SCRG1: variants seen among roughly 807,000 people sequenced by gnomAD.
The protein encoded by SCRG1 is scrapie-responsive protein 1.
In SCRG1, 3 loss-of-function variants were observed where a neutral mutation model predicts 7.7. The ratio of observed to expected loss-of-function variants is 0.39; its 90% CI spans 0.18 to 1.01. The LOEUF (loss-of-function observed/expected upper bound fraction) is 1.01. SCRG1 is among the 50% of genes least tolerant of loss of function. The pLI is 0.36. For synonymous variants in SCRG1, 46 were observed against 41.2 expected, an observed-to-expected ratio of 1.12 and a Z score of -0.44; for missense variants, 110 against 117.2, an observed-to-expected ratio of 0.94 and a Z score of 0.28.
chr4:173,410,922 C>G (rs1238729675), upstream of SCRG1, among the ~76,000 whole-genome samples: 3 of 152,184 alleles, frequency 2.0e-5, no homozygotes, highest in African/African-American at 7.2e-5. Flanking sequence ...GGCACCCACC[C>G]ATATAGTTGT....
At position 173,388,025 on chromosome 4, in the gene SCRG1, AT is replaced by A. The variant is rs1739291199; in HGVS notation, c.*315del. The A allele has an allele frequency of 3.7e-5, 9 of 241,428 alleles. No individual in the cohort carries two copies. The highest frequency in any genetic ancestry group is 1.3e-3 in the Middle Eastern group (1 of 756). The allele number at this position is 241,428 out of a possible 1,614,324, so 15.0% of individuals were successfully genotyped here. On this transcript the variant is annotated 3_prime_UTR_variant, in exon 3 of 3. Coordinates refer to ENST00000296506, the MANE Select transcript of SCRG1 (RefSeq NM_007281.4). Reference sequence around the variant, plus strand: ...TAACTGTCAACTAAGGACTGAAAGTATTTTCAATCCTTGAGCCATGCCTATG... The same window carrying A: ...TAACTGTCAACTAAGGACTGAAAGTATTTCAATCCTTGAGCCATGCCTATG...
At chr4:173,430,082 T>A in the SCRG1 span, among the ~76,000 whole-genome samples, 1 of 152,034 alleles carries the variant, frequency 6.6e-6, no homozygotes, top group Non-Finnish European at 1.5e-5. Context: ...TTTGGGCCCA[T>A]GAAAGGCAGA....
chr4:173,481,575 T>TC, the SCRG1 span, among the ~76,000 whole-genome samples: 51 of 152,034 alleles, frequency 3.4e-4, no homozygotes, highest in African/African-American at 1.2e-3. Flanking sequence ...CTCTCCTGCC[T>TC]CCCCCTCCAC....
chr4:173,449,476 C>A, the SCRG1 span, among the ~76,000 whole-genome samples: 1 of 146,884 alleles, frequency 6.8e-6, no homozygotes. Context: ...TCCTGGTCTC[C>A]CAGGGCATAG....
the SCRG1 span, among the ~76,000 whole-genome samples, chr4:173,516,388 C>T: frequency 1.1e-3 from 165 of 152,350 alleles, no homozygotes; most frequent in African/African-American, 3.8e-3. Flanking sequence ...TAGGCATCTG[C>T]AGGCGGCCGA....
intron 1 of SCRG1, among the ~76,000 whole-genome samples, chr4:173,397,872 C>T (rs1274292044): frequency 6.6e-6 from 1 of 152,108 alleles, no homozygotes; most frequent in African/African-American, 2.4e-5. Context: ...AAAGACAGTC[C>T]ATTTTCGGAT....
chr4:173,417,933 T>C, the SCRG1 span, among the ~76,000 whole-genome samples: 1 of 152,198 alleles, frequency 6.6e-6, no homozygotes, highest in East Asian at 1.9e-4. Context: ...TCAGTGTGGA[T>C]TGCCACATGA....
At chr4:173,467,690 C>T in the SCRG1 span, 6 of 152,240 alleles carry the variant, frequency 3.9e-5, no homozygotes, top group South Asian at 1.2e-3. Context: ...TATCTCTAGG[C>T]TAACTGAATC....
upstream of SCRG1, among the ~76,000 whole-genome samples, chr4:173,410,499 A>G (rs1740014425): frequency 1.3e-5 from 2 of 152,236 alleles, no homozygotes; most frequent in African/African-American, 4.8e-5. Context: ...GACTGGTCAC[A>G]TGGACCACTG....
At chr4:173,445,433 T>G in the SCRG1 span, among the ~76,000 whole-genome samples, 1 of 151,544 alleles carries the variant, frequency 6.6e-6, no homozygotes, top group Admixed American at 6.6e-5. Context: ...TATACAAAAA[T>G]TAGCTGGGTG....
At chr4:173,394,192 GC>G (rs1431988296) in intron 1 of SCRG1, among the ~76,000 whole-genome samples, 1 of 151,860 alleles carries the variant, frequency 6.6e-6, no homozygotes, top group Non-Finnish European at 1.5e-5. Context: ...GTTCTTTGGT[GC>G]TTTTCCCCCC....
chr4:173,421,626 T>G, the SCRG1 span, among the ~76,000 whole-genome samples: 2 of 152,172 alleles, frequency 1.3e-5, no homozygotes, highest in Non-Finnish European at 2.9e-5. Context: ...TTATATATGA[T>G]AAATCATTAC....
chr4:173,468,954 G>C, the SCRG1 span: 15 of 152,264 alleles, frequency 9.9e-5, no homozygotes, highest in African/African-American at 3.6e-4. Context: ...AAAGAGGTAG[G>C]CTTCTGCACA....
chr4:173,505,376 C>T, the SCRG1 span, among the ~76,000 whole-genome samples: 3 of 152,066 alleles, frequency 2.0e-5, no homozygotes, highest in East Asian at 3.9e-4. This position sits in a 1 kb window ranked among gnomAD's most constrained non-coding sequence, Gnocchi z 4.4. Context: ...ATCCCTTGCT[C>T]GGCCATCAGT....
the SCRG1 span, among the ~76,000 whole-genome samples, chr4:173,486,184 G>T: frequency 3.3e-5 from 5 of 152,068 alleles, no homozygotes; most frequent in African/African-American, 1.2e-4. Context: ...CAGTGTTTAG[G>T]CATCTCTTTC....
the SCRG1 span, among the ~76,000 whole-genome samples, chr4:173,458,312 C>T: frequency 6.6e-6 from 1 of 152,064 alleles, no homozygotes; most frequent in Admixed American, 6.5e-5. Context: ...CCTGCACTTG[C>T]TCTACAGAAA....
At chr4:173,428,127 T>C in the SCRG1 span, among the ~76,000 whole-genome samples, 63 of 152,176 alleles carry the variant, frequency 4.1e-4, no homozygotes, top group Non-Finnish European at 5.6e-4. Flanking sequence ...GGTGAATACA[T>C]GTGATAGAAT....
rs949712787 is a variant in SCRG1 at position 173,388,207 on chromosome 4, C to T, written c.*134G>A. The T allele has an allele frequency of 1.9e-5, 10 of 521,236 alleles. No homozygotes were observed. In the African/African-American group the frequency reaches 2.0e-4, roughly 10 times the overall value. 32.3% of individuals were successfully genotyped at this position (521,236 alleles called of 1,614,324 possible). On this transcript the variant is annotated 3_prime_UTR_variant, in exon 3 of 3. Coordinates refer to ENST00000296506, the MANE Select transcript of SCRG1 (RefSeq NM_007281.4). ...TTACTACTTGTTTAACACAGATTTA[C>T]TTGTCTTAGACAAGTAAGAATTTAT...
At chr4:173,435,745 T>A in the SCRG1 span, among the ~76,000 whole-genome samples, 1 of 152,224 alleles carries the variant, frequency 6.6e-6, no homozygotes. Context: ...TGAGGTTTTT[T>A]AAACACTCTT....
Sources: gnomAD v4.1 joint callset for allele counts (sites outside exome capture counted in the v4.1 genomes callset) on GRCh38, gnomAD v4.1.1 for gene constraint, Gnocchi (gnomAD v3.1) non-coding constraint, MANE v1.5 for transcripts, NCBI Gene and HGNC (gene_info 2026-07-23, HGNC 2026-07-21) for gene names.